The following MESP2 variants were observed in gnomAD, a reference collection of about 807,000 sequenced individuals.
MESP2 encodes the protein mesoderm posterior protein 2.
In MESP2, 34 loss-of-function variants were observed where a neutral mutation model predicts 37.8. The ratio of observed to expected loss-of-function variants is 0.90; its 90% confidence interval spans 0.68 to 1.20. The LOEUF (loss-of-function observed/expected upper bound fraction) is 1.20. Among genes scored for constraint, MESP2 ranks in the 50% most tolerant of loss-of-function variants. MESP2 has a pLI of 0.00. For missense variants in MESP2, 646 were observed against 545.3 expected (o/e 1.18, Z -1.84); for synonymous variants, 303 against 251.6 (o/e 1.20, Z -1.93).
At position 89,776,496 on chromosome 15, in the gene MESP2, G is replaced by T; in HGVS notation, c.139G>T (p.Gly47Cys). 6.5e-7 allele frequency: 1 copy of T among 1,533,450 alleles called. No individual in the cohort carries two copies. Among genetic ancestry groups the T allele is most frequent in the South Asian group, 1.2e-5 (1 of 83,702 alleles). 95.0% of individuals were successfully genotyped at this position (1,533,450 alleles called of 1,614,324 possible). A position where few individuals can be genotyped will look rare whatever the true frequency, so the allele number is the denominator to read the frequency against. ...TTCGTCGGGTTCGTGCCCCTGCGAC[G>T]GCGCCCGCGGACTCCCGCAGCCACA... The part of the protein sequence containing the change: ...SDSSGSCPCD[G>C]ARGLPQPQPP... The change falls in exon 1 of 2, where the codon GGC becomes TGC. Residue 47 changes from glycine (G) to cysteine (C), a missense_variant. By Grantham distance (159) the Gly-to-Cys change is radical. Transcript: ENST00000341735.
At position 89,777,024 on chromosome 15, in the gene MESP2, C is replaced by G; in HGVS notation, c.667C>G (p.Pro223Ala). ...CCTCGCCGAGGCGTCCTGGGGATCC[C>G]CGTCCGCCTGCCCCGGAGCCCAAGC... ...AVLAEASWGS[P>A]SACPGAQAAP... The change falls in exon 1 of 2, where the codon CCG (proline) becomes GCG (alanine). Residue 223 changes from proline (P) to alanine (A), a missense_variant. Coordinates refer to ENST00000341735, the MANE Select transcript of MESP2 (RefSeq NM_001039958.2). 4 of 1,590,150 alleles carry G rather than the reference C, an allele frequency of 2.5e-6. No individual in the cohort carries two copies. Among genetic ancestry groups the G allele is most frequent in the Non-Finnish European group, 3.4e-6 (4 of 1,169,874 alleles).
At position 89,778,560 on chromosome 15, in the gene MESP2, C is replaced by T. The variant is rs377018192; in HGVS notation, c.*226C>T. 1.0e-4 allele frequency: 62 copies of T among 609,738 alleles called. 1 individual carries two copies. The South Asian group carries it at 1.1e-3, about 10-fold the overall frequency. The allele number at this position is 609,738 out of a possible 1,614,324, so 37.8% of individuals were successfully genotyped here. A position where few individuals can be genotyped will look rare whatever the true frequency, so the allele number is the denominator to read the frequency against. Reference sequence around the variant, plus strand: ...TGCTAGACACCCCCAGAATGCCTGGCGCTCTGCAGAGCACAGTCTGAGCTG... The same window carrying T: ...TGCTAGACACCCCCAGAATGCCTGGTGCTCTGCAGAGCACAGTCTGAGCTG... On this transcript the variant is annotated 3_prime_UTR_variant, in exon 2 of 2. Transcript: ENST00000341735.
rs1224906035 is a variant in MESP2 at position 89,777,166 on chromosome 15, C to T, written c.809C>T (p.Ser270Phe). 2 of 1,612,988 alleles carry T rather than the reference C, an allele frequency of 1.2e-6. No individual in the cohort carries two copies. The highest frequency in any genetic ancestry group is 1.6e-4 in the Middle Eastern group (1 of 6,062). Residue 270 changes from serine (S) to phenylalanine (F), a missense_variant, in exon 1 of 2, where the codon TCT becomes TTT. Coordinates refer to ENST00000341735, the MANE Select transcript of MESP2 (RefSeq NM_001039958.2). ...YSSQGTTSDASLWTPPQGCPW... is the reference protein window; with the variant it reads ...YSSQGTTSDAFLWTPPQGCPW... The stretch of plus-strand genomic sequence containing the variant: ...TCCCAAGGGACAACCTCCGACGCGT[C>T]TCTTTGGACGCCACCCCAAGGCTGT...
In MESP2 at chr15:89,776,789, G is replaced by A. The variant is rs1387576204; in HGVS notation, c.432G>A (p.Glu144=). The change falls in exon 1 of 2, where the codon GAG becomes GAA. Residue 144 remains glutamate (E), a synonymous_variant. Coordinates refer to ENST00000341735, the MANE Select transcript of MESP2 (RefSeq NM_001039958.2). ...HLSAVLGLSE[E]SLQCRRRQRG... is the part of the protein sequence containing the mutation. ...CGGCCGTGCTGGGTCTCAGCGAGGA[G>A]AGTCTGCAGTGCCGGCGCAGGCAGC... 1 of 1,505,964 alleles carries A rather than the reference G, an allele frequency of 6.6e-7. No individual in the cohort carries two copies. The highest frequency in any genetic ancestry group is 8.8e-7 in the Non-Finnish European group (1 of 1,134,872). The allele number at this position is 1,505,964 out of a possible 1,614,324, so 93.3% of individuals were successfully genotyped here. A position where few individuals can be genotyped will look rare whatever the true frequency, so the allele number is the denominator to read the frequency against.
intron 1 of MESP2, 44 bp from the exon 2 acceptor site, chr15:89,778,021 C>A (rs570676731): frequency 1.2e-6 from 2 of 1,611,312 alleles, no homozygotes; most frequent in South Asian, 2.2e-5. Context: ...CTCTGGATAT[C>A]AGGGAGTAGC....
chr15:89,778,091 T>A lies in MESP2; in HGVS notation c.951T>A (p.Cys317Ter), dbSNP rs1968393523. ...YQGLSVSPEP[C>*]LSLGAPSLLP... ...GTCTCTCTGTGTCTCCAGAGCCCTG[T>A]CTGTCGCTGGGAGCTCCATCTCTCC... The change falls in exon 2 of 2, where the codon TGT becomes TGA. Residue 317 changes from cysteine to a stop codon, truncating the protein, a stop_gained. Coordinates refer to ENST00000341735, the MANE Select transcript of MESP2 (RefSeq NM_001039958.2). LOFTEE classifies it high-confidence loss of function. 6.2e-7 allele frequency: 1 copy of A among 1,613,718 alleles called. No individual in the cohort carries two copies.
Position 89,778,470 on chromosome 15 carries a change from A to T in MESP2, c.*136A>T, listed in dbSNP as rs1968399361. The T allele has an allele frequency of 3.3e-6, 4 of 1,205,620 alleles. No individual in the cohort carries two copies. Among genetic ancestry groups the T allele is most frequent in the Non-Finnish European group, 4.8e-6 (4 of 836,746 alleles). The allele number at this position is 1,205,620 out of a possible 1,614,324, so 74.7% of individuals were successfully genotyped here. ...TCCAAGTGATGTCTTTCAGGGAAGC[A>T]GTGTTTGAAATAGATAGCGGGTACC... is the stretch of plus-strand genomic sequence containing the variant. On this transcript the variant is annotated 3_prime_UTR_variant, in exon 2 of 2. Transcript: ENST00000341735.
rs1402391057 is a variant in MESP2 at position 89,776,817 on chromosome 15, G to T, written c.460G>T (p.Gly154Trp). ...TCTGCAGTGCCGGCGCAGGCAGCGC[G>T]GGGACGCGGGGTCCCCTTGGGGCTG... ...ESLQCRRRQRGDAGSPWGCPL... is the reference protein window; with the variant it reads ...ESLQCRRRQRWDAGSPWGCPL... Residue 154 changes from glycine to tryptophan, a missense_variant, in exon 1 of 2, where the codon GGG (glycine) becomes TGG (tryptophan). Transcript: ENST00000341735. The T allele has an allele frequency of 6.8e-7, 1 of 1,464,810 alleles. No individual in the cohort carries two copies. The highest frequency in any genetic ancestry group is 9.0e-7 in the Non-Finnish European group (1 of 1,116,508). The allele number at this position is 1,464,810 out of a possible 1,614,324, so 90.7% of individuals were successfully genotyped here.
At position 89,778,065 on chromosome 15, in the gene MESP2, G is replaced by A. The variant is rs777939697; in HGVS notation, c.925G>A (p.Gly309Ser). ...ATLELAAVYQGLSVSPEPCLS... is the reference protein window; with the variant it reads ...ATLELAAVYQSLSVSPEPCLS... ...CAGGCTGCTCTCATCTCTCTTGCAG[G>A]GTCTCTCTGTGTCTCCAGAGCCCTG... Residue 309 changes from glycine (G) to serine (S), a missense_variant and splice_region_variant, in exon 2 of 2, where the codon GGT becomes AGT. Gly to Ser is a moderately conservative substitution (Grantham distance 56, BLOSUM62 0). Transcript: ENST00000341735. 5 of 1,613,148 alleles carry A rather than the reference G, an allele frequency of 3.1e-6. No individual in the cohort carries two copies. The Admixed American group carries it at 8.3e-5, about 27-fold the overall frequency.
chr15:89,776,353 C>T lies in MESP2; in HGVS notation c.-5C>T, dbSNP rs1208475779. On this transcript the variant is annotated 5_prime_UTR_variant, in exon 1 of 2. Transcript: ENST00000341735. ...ACCCAGCCTCCCAGAGCCTGCAGCC[C>T]GGCCATGGCCCAGTCGCCTCCTCCG... 2.0e-6 allele frequency: 3 copies of T among 1,531,162 alleles called. No individual in the cohort carries two copies. Among genetic ancestry groups the T allele is most frequent in the Non-Finnish European group, 2.6e-6 (3 of 1,145,632 alleles). The allele number at this position is 1,531,162 out of a possible 1,614,324, so 94.8% of individuals were successfully genotyped here.
chr15:89,776,639 G>T lies in MESP2; in HGVS notation c.282G>T (p.Met94Ile). The change falls in exon 1 of 2, where the codon ATG becomes ATT. Residue 94 changes from methionine to isoleucine, a missense_variant. Physicochemically the swap from Met to Ile is conservative, Grantham distance 10 (BLOSUM62 1). Transcript: ENST00000341735. ...QSASEREKLRMRTLARALHEL... is the reference protein window; with the variant it reads ...QSASEREKLRIRTLARALHEL... ...CCAGCGAGCGGGAGAAACTGCGCAT[G>T]CGCACGCTGGCCCGCGCCCTGCACG... 1 of 1,525,466 alleles carries T rather than the reference G, an allele frequency of 6.6e-7. No individual in the cohort carries two copies. The allele number at this position is 1,525,466 out of a possible 1,614,324, so 94.5% of individuals were successfully genotyped here.
In MESP2 at chr15:89,776,635, G is replaced by C. The variant is rs1968366878; in HGVS notation, c.278G>C (p.Arg93Pro). The C allele has an allele frequency of 6.6e-7, 1 of 1,524,246 alleles. No homozygotes were observed. Among genetic ancestry groups the C allele is most frequent in the Admixed American group, 2.0e-5 (1 of 48,972 alleles). The allele number at this position is 1,524,246 out of a possible 1,614,324, so 94.4% of individuals were successfully genotyped here. ...RQSASEREKL[R>P]MRTLARALHE... ...AGCGCCAGCGAGCGGGAGAAACTGC[G>C]CATGCGCACGCTGGCCCGCGCCCTG... The change falls in exon 1 of 2, where the codon CGC (arginine) becomes CCC (proline). Residue 93 changes from arginine to proline, a missense_variant. Transcript: ENST00000341735.
chr15:89,776,384 C>G lies in MESP2; in HGVS notation c.27C>G (p.Ser9Arg), dbSNP rs1183828740. Residue 9 changes from serine (S) to arginine (R), a missense_variant, in exon 1 of 2, where the codon AGC becomes AGG. Ser to Arg is a moderately radical substitution (Grantham distance 110, BLOSUM62 -1). Transcript: ENST00000341735. ...TGGCCCAGTCGCCTCCTCCGCAGAG[C>G]CTCCTCGGCCACGACCACTGGATCT... MAQSPPPQ[S>R]LLGHDHWIFA... 6.5e-7 allele frequency: 1 copy of G among 1,532,284 alleles called. No individual in the cohort carries two copies. Among genetic ancestry groups the G allele is most frequent in the South Asian group, 1.2e-5 (1 of 83,492 alleles). The allele number at this position is 1,532,284 out of a possible 1,614,324, so 94.9% of individuals were successfully genotyped here. A position where few individuals can be genotyped will look rare whatever the true frequency, so the allele number is the denominator to read the frequency against.
In MESP2 at chr15:89,776,451, T is replaced by G; in HGVS notation, c.94T>G (p.Ser32Ala). The change falls in exon 1 of 2, where the codon TCC (serine) becomes GCC (alanine). Residue 32 changes from serine (S) to alanine (A), a missense_variant. Coordinates refer to ENST00000341735, the MANE Select transcript of MESP2 (RefSeq NM_001039958.2). ...CTGGGCCGGCCACTGGGACTCCACG[T>G]CCCCGGCCTCCTCCTCCGATTCGTC... ...WGWAGHWDSTSPASSSDSSGS... is the reference protein window; with the variant it reads ...WGWAGHWDSTAPASSSDSSGS... The G allele has an allele frequency of 2.6e-6, 4 of 1,534,106 alleles. No homozygotes were observed. Among genetic ancestry groups the G allele is most frequent in the Non-Finnish European group, 3.5e-6 (4 of 1,146,036 alleles).
At position 89,778,262 on chromosome 15, in the gene MESP2, C is replaced by G. The variant is rs765218369; in HGVS notation, c.1122C>G (p.Gly374=). ...LSEASPPQSS[G]LRFSGCPELW... Reference sequence around the variant, plus strand: ...AAGCAAGCCCTCCCCAGAGCTCAGGCCTGCGGTTCAGTGGCTGCCCTGAAC... The same window carrying G: ...AAGCAAGCCCTCCCCAGAGCTCAGGGCTGCGGTTCAGTGGCTGCCCTGAAC... Residue 374 remains glycine, a synonymous_variant, in exon 2 of 2, where the codon GGC becomes GGG. Transcript: ENST00000341735. The G allele has an allele frequency of 3.1e-6, 5 of 1,613,178 alleles. No homozygotes were observed. The highest frequency in any genetic ancestry group is 2.7e-5 in the African/African-American group (2 of 74,938).
Position 89,776,541 on chromosome 15 carries a change from C to G in MESP2, c.184C>G (p.Arg62Gly), listed in dbSNP as rs1169150472. The G allele has an allele frequency of 9.8e-6, 15 of 1,531,574 alleles. No homozygotes were observed. The Admixed American group carries it at 1.4e-4, about 14-fold the overall frequency. 94.9% of individuals were successfully genotyped at this position (1,531,574 alleles called of 1,614,324 possible). A position where few individuals can be genotyped will look rare whatever the true frequency, so the allele number is the denominator to read the frequency against. The change falls in exon 1 of 2, where the codon CGA (arginine) becomes GGA (glycine). Residue 62 changes from arginine to glycine, a missense_variant. By Grantham distance (125) the Arg-to-Gly change is moderately radical (BLOSUM62 -2). Transcript: ENST00000341735. ...GCCACAGCCTCCGAGCTGCAGCTCCCGAGCCGCAGAGGCAGCCGCGACGAC... is the reference window on the plus strand; with the variant it reads ...GCCACAGCCTCCGAGCTGCAGCTCCGGAGCCGCAGAGGCAGCCGCGACGAC... ...PQPQPPSCSS[R>G]AAEAAATTPR...
chr15:89,777,869 G>T lies in MESP2; in HGVS notation c.925-196G>T, dbSNP rs77835726. 0.017 allele frequency among the ~76,000 whole-genome samples: 2,627 copies of T among 152,298 alleles called. 86 individuals carry two copies. Among genetic ancestry groups the T allele is most frequent in the African/African-American group, 0.06 (2,506 of 41,552 alleles). On this transcript the variant is annotated intron_variant, in intron 1 of 1. Coordinates refer to ENST00000341735, the MANE Select transcript of MESP2 (RefSeq NM_001039958.2). ...GAAGCTACCTGAGTTCTCATTACTAGTGAGTAGCAGAACTGGGATTTAAGC... is the reference window on the plus strand; with the variant it reads ...GAAGCTACCTGAGTTCTCATTACTATTGAGTAGCAGAACTGGGATTTAAGC...
At position 89,776,586 on chromosome 15, in the gene MESP2, G is replaced by T. The variant is rs538996447; in HGVS notation, c.229G>T (p.Gly77Ter). The T allele has an allele frequency of 8.5e-6, 13 of 1,527,634 alleles. No individual in the cohort carries two copies. The highest frequency in any genetic ancestry group is 7.9e-5 in the Admixed American group (4 of 50,450). The allele number at this position is 1,527,634 out of a possible 1,614,324, so 94.6% of individuals were successfully genotyped here. The change falls in exon 1 of 2, where the codon GGA becomes TGA. Residue 77 changes from glycine (G) to a stop codon, truncating the protein, a stop_gained. Transcript: ENST00000341735. LOFTEE classifies it high-confidence loss of function. ...AATTPRRART[G>*]PAGGQRQSAS... ...GACGACGCCCAGACGAGCGCGCACC[G>T]GACCAGCGGGCGGACAGCGGCAGAG... is the stretch of plus-strand genomic sequence containing the variant.
At position 89,776,392 on chromosome 15, in the gene MESP2, G is replaced by A; in HGVS notation, c.35G>A (p.Gly12Asp). 1 of 1,532,398 alleles carries A rather than the reference G, an allele frequency of 6.5e-7. No individual in the cohort carries two copies. The highest frequency in any genetic ancestry group is 8.7e-7 in the Non-Finnish European group (1 of 1,145,848). 94.9% of individuals were successfully genotyped at this position (1,532,398 alleles called of 1,614,324 possible). ...AQSPPPQSLL[G>D]HDHWIFAQGW... ...TCGCCTCCTCCGCAGAGCCTCCTCGGCCACGACCACTGGATCTTCGCCCAG... is the reference window on the plus strand; with the variant it reads ...TCGCCTCCTCCGCAGAGCCTCCTCGACCACGACCACTGGATCTTCGCCCAG... The change falls in exon 1 of 2, where the codon GGC becomes GAC. Residue 12 changes from glycine (G) to aspartate (D), a missense_variant. Coordinates refer to ENST00000341735, the MANE Select transcript of MESP2 (RefSeq NM_001039958.2).
Sources: gnomAD v4.1 joint callset for allele counts (sites outside exome capture counted in the v4.1 genomes callset) on GRCh38, gnomAD v4.1.1 for gene constraint, MANE v1.5 for transcripts, NCBI Gene and HGNC (gene_info 2026-07-23, HGNC 2026-07-21) for gene names.